Variants in STARD13 observed in about 807,000 individuals in gnomAD.
STARD13 encodes the protein stAR-related lipid transfer protein 13.
Under a neutral mutation model 106.4 loss-of-function variants are expected in STARD13, and 62 were observed. That is an observed-to-expected ratio of 0.58 (90% CI 0.48 to 0.72). STARD13 has a LOEUF of 0.72. STARD13 is among the 30% of genes least tolerant of loss of function. The pLI is 0.00. For synonymous variants in STARD13, 565 were observed against 553.0 expected (o/e 1.02, Z -0.31); for missense variants, 1,387 against 1,424.0 (o/e 0.97, Z 0.42).
At chr13:33,229,341 T>C (rs1888787893) in intron 1 of STARD13, among the ~76,000 whole-genome samples, 1 of 151,572 alleles carries the variant, frequency 6.6e-6, no homozygotes. Flanking sequence ...TGGTGAAGAC[T>C]GTGGAAACTC....
At chr13:33,452,833 C>T in the STARD13 span, among the ~76,000 whole-genome samples, 8 of 152,308 alleles carry the variant, frequency 5.3e-5, no homozygotes, top group East Asian at 3.9e-4. Context: ...CCTGGAACAG[C>T]GATGTATATC....
chr13:33,497,946 A>G, the STARD13 span, among the ~76,000 whole-genome samples: 11 of 152,186 alleles, frequency 7.2e-5, no homozygotes, highest in Non-Finnish European at 1.3e-4. Flanking sequence ...GACATGCAAA[A>G]CTCTGTAATA....
the STARD13 span, among the ~76,000 whole-genome samples, chr13:33,533,894 C>T: frequency 4.6e-5 from 7 of 152,316 alleles, no homozygotes; most frequent in African/African-American, 1.4e-4. Flanking sequence ...CACACATCAT[C>T]AGAAGGTGTT....
the STARD13 span, among the ~76,000 whole-genome samples, chr13:33,651,909 G>A: frequency 6.6e-6 from 1 of 152,196 alleles, no homozygotes; most frequent in South Asian, 2.1e-4. Flanking sequence ...AGGGATGTGA[G>A]TGAAGCCATC....
the STARD13 span, among the ~76,000 whole-genome samples, chr13:33,525,679 TG>T: frequency 5.9e-5 from 9 of 152,142 alleles, no homozygotes; most frequent in African/African-American, 2.2e-4. Flanking sequence ...AAGCCTCTAC[TG>T]CAATGTTCTG....
the STARD13 span, among the ~76,000 whole-genome samples, chr13:33,468,386 A>G: frequency 6.6e-6 from 1 of 152,090 alleles, no homozygotes; most frequent in Non-Finnish European, 1.5e-5. Context: ...TGTGTCCCCC[A>G]AGGTTCATGT....
chr13:33,513,480 C>T, the STARD13 span, among the ~76,000 whole-genome samples: 243 of 152,224 alleles, frequency 1.6e-3, no homozygotes, highest in African/African-American at 5.4e-3. Context: ...CTTCCATGAA[C>T]CTCAACTTCT....
At chr13:33,616,631 C>T in the STARD13 span, among the ~76,000 whole-genome samples, 5 of 152,224 alleles carry the variant, frequency 3.3e-5, no homozygotes, top group Non-Finnish European at 7.3e-5. Context: ...GGTATTTGTT[C>T]ATTCTCTTTA....
intron 4 of STARD13, among the ~76,000 whole-genome samples, chr13:33,136,732 T>G (rs1879106316): frequency 6.6e-6 from 1 of 152,232 alleles, no homozygotes; most frequent in South Asian, 2.1e-4. Flanking sequence ...CCCTCTCCAC[T>G]GAGAGCTGCT....
the STARD13 span, among the ~76,000 whole-genome samples, chr13:33,394,962 C>A: frequency 6.6e-6 from 1 of 152,174 alleles, no homozygotes; most frequent in Non-Finnish European, 1.5e-5. Context: ...AAGGTTAGAA[C>A]TAGGTTGAAA....
the STARD13 span, among the ~76,000 whole-genome samples, chr13:33,574,790 G>T: frequency 1.2e-4 from 18 of 152,022 alleles, no homozygotes; most frequent in African/African-American, 3.6e-4. Context: ...ACAAAATATA[G>T]TTGAAATGTG....
At chr13:33,619,310 A>G in the STARD13 span, among the ~76,000 whole-genome samples, 1 of 152,216 alleles carries the variant, frequency 6.6e-6, no homozygotes, top group African/African-American at 2.4e-5. Flanking sequence ...TCTCTTTAAT[A>G]AAAGACACTG....
the STARD13 span, among the ~76,000 whole-genome samples, chr13:33,627,556 G>A: frequency 1.3e-5 from 2 of 151,720 alleles, no homozygotes; most frequent in East Asian, 1.9e-4. Context: ...AGAATCACTC[G>A]AACCTGGGAG....
chr13:33,533,296 C>A, the STARD13 span, among the ~76,000 whole-genome samples: 8 of 152,116 alleles, frequency 5.3e-5, no homozygotes, highest in Admixed American at 6.6e-5. Flanking sequence ...GAGAAGCCAA[C>A]CCCCACAGGC....
chr13:33,446,990 T>C, the STARD13 span, among the ~76,000 whole-genome samples: 2 of 152,214 alleles, frequency 1.3e-5, no homozygotes, highest in African/African-American at 4.8e-5. Context: ...TTCTCTCTCT[T>C]TCTGTGTATA....
rs149667078 is a variant in STARD13 at position 33,147,247 on chromosome 13, T to C, written c.324-4874A>G. On this transcript the variant is annotated intron_variant, in intron 3 of 13. Transcript: ENST00000336934. Reference sequence around the variant, plus strand: ...CATAGGGGACTTAGAAAAGTTCCAATGTATTCCTAGGAATCTAGAAGGCCA... The same window carrying C: ...CATAGGGGACTTAGAAAAGTTCCAACGTATTCCTAGGAATCTAGAAGGCCA... 8.5e-5 allele frequency among the ~76,000 whole-genome samples: 13 copies of C among 152,302 alleles called. No homozygotes were observed. The East Asian group carries it at 2.5e-3, about 29-fold the overall frequency.
chr13:33,646,632 G>A, the STARD13 span, among the ~76,000 whole-genome samples: 5 of 152,142 alleles, frequency 3.3e-5, no homozygotes, highest in Non-Finnish European at 7.4e-5. Flanking sequence ...ATGAGACACA[G>A]GAATCAAAGC....
At chr13:33,607,067 A>G in the STARD13 span, among the ~76,000 whole-genome samples, 1 of 150,184 alleles carries the variant, frequency 6.7e-6, no homozygotes, top group African/African-American at 2.4e-5. Flanking sequence ...GTTCCCAGGG[A>G]TTACAAAGTG....
intron 3 of STARD13, among the ~76,000 whole-genome samples, chr13:33,145,290 A>G (rs919283773): frequency 6.6e-6 from 1 of 152,258 alleles, no homozygotes; most frequent in Non-Finnish European, 1.5e-5. Context: ...AATGCAAATT[A>G]AAATCATAAC....
Sources: allele counts gnomAD v4.1 joint callset (sites outside exome capture counted in the v4.1 genomes callset), GRCh38; gene constraint gnomAD v4.1.1; transcripts MANE v1.5; gene names NCBI Gene and HGNC (gene_info 2026-07-23, HGNC 2026-07-21).